Variants in OCA2 observed in about 807,000 individuals in gnomAD.
The protein encoded by OCA2 is OCA2 melanosomal transmembrane protein.
In OCA2, 77 loss-of-function variants were observed where a neutral mutation model predicts 100.2. That is an observed-to-expected ratio of 0.77 (90% CI 0.64 to 0.93). The LOEUF is 0.93. OCA2 is among the 40% of genes least tolerant of loss of function. The pLI, the probability that OCA2 is intolerant of heterozygous loss-of-function variation, is 0.00. For missense variants in OCA2, 1,062 were observed against 1,089.1 expected, an observed-to-expected ratio of 0.98 and a Z score of 0.35; for synonymous variants, 432 against 439.2, an observed-to-expected ratio of 0.98 and a Z score of 0.21.
chr15:28,021,245 C>T (rs1251923832), intron 6 of OCA2, among the ~76,000 whole-genome samples: 1 of 152,214 alleles, frequency 6.6e-6, no homozygotes. Context: ...CCTTCATGCA[C>T]AGACACCTTA....
the OCA2 span, among the ~76,000 whole-genome samples, chr15:27,722,640 T>TCCTC: frequency 6.8e-6 from 1 of 146,736 alleles, no homozygotes; most frequent in Non-Finnish European, 1.5e-5. Context: ...TTCCTTTCCT[T>TCCTC]CCTTCCTTCT....
chr15:27,919,679 T>G (rs4617805), intron 19 of OCA2, among the ~76,000 whole-genome samples: 59,076 of 151,646 alleles, frequency 0.39, 11,557 homozygotes, highest in Middle Eastern at 0.54. Flanking sequence ...CTACTCTGTA[T>G]GATACCATAA....
chr15:27,995,040 C>CGAAGA (rs2041677841), intron 9 of OCA2, among the ~76,000 whole-genome samples: 1 of 152,126 alleles, frequency 6.6e-6, no homozygotes, highest in Non-Finnish European at 1.5e-5. Flanking sequence ...CCACCCTCTT[C>CGAAGA]CACTGATAAA....
At position 27,957,911 on chromosome 15, in the gene OCA2, C is replaced by G. The variant is rs1212699798; in HGVS notation, c.1637-176G>C. On this transcript the variant is annotated intron_variant, in intron 15 of 23. Coordinates refer to ENST00000354638, the MANE Select transcript of OCA2 (RefSeq NM_000275.3). This position sits in a 1 kb window ranked among gnomAD's most constrained non-coding sequence, Gnocchi z 4.3. ...CTGAGCTATTGCAATGGAGCCCAGA[C>G]GACAAAGCCGACATTTAAAAATTAT... Among the ~76,000 whole-genome samples the G allele has an allele frequency of 1.3e-5, 2 of 152,118 alleles. No individual in the cohort carries two copies. Among genetic ancestry groups the G allele is most frequent in the Non-Finnish European group, 2.9e-5 (2 of 68,026 alleles).
At chr15:28,090,052 T>G (rs1333212220) in intron 1 of OCA2, among the ~76,000 whole-genome samples, 1 of 152,220 alleles carries the variant, frequency 6.6e-6, no homozygotes, top group East Asian at 1.9e-4. Flanking sequence ...AGCGGTTATA[T>G]TCACGTAATA....
intron 19 of OCA2, among the ~76,000 whole-genome samples, chr15:27,916,357 A>C (rs2038664105): frequency 6.6e-6 from 1 of 152,164 alleles, no homozygotes; most frequent in African/African-American, 2.4e-5. Context: ...GCAAATTGGA[A>C]AGAAAAAAAA....
intron 19 of OCA2, among the ~76,000 whole-genome samples, chr15:27,911,311 T>C (rs1567094489): frequency 6.6e-6 from 1 of 150,558 alleles, no homozygotes; most frequent in Non-Finnish European, 1.5e-5. Flanking sequence ...TCCCAGCTAC[T>C]TGGGAGGCTG....
At chr15:27,799,118 CT>C (rs1274147748) in intron 23 of OCA2, among the ~76,000 whole-genome samples, 1 of 131,680 alleles carries the variant, frequency 7.6e-6, no homozygotes, top group African/African-American at 2.5e-5. Flanking sequence ...AAGCCACTTT[CT>C]TTGCAATCGT....
chr15:27,808,424 A>G (rs1312726705), intron 23 of OCA2, among the ~76,000 whole-genome samples: 1 of 152,192 alleles, frequency 6.6e-6, no homozygotes, highest in Non-Finnish European at 1.5e-5. Context: ...GACCGCTGGG[A>G]GGCAGGATTC....
intron 23 of OCA2, among the ~76,000 whole-genome samples, chr15:27,831,531 C>T (rs2034958144): frequency 6.6e-6 from 1 of 152,206 alleles, no homozygotes. Flanking sequence ...ACACACCGGA[C>T]GTGGTGCCAT....
intron 18 of OCA2, among the ~76,000 whole-genome samples, chr15:27,938,355 G>A (rs563223961): frequency 3.9e-4 from 59 of 152,276 alleles, no homozygotes; most frequent in East Asian, 1.4e-3. Flanking sequence ...CTCACCAGGC[G>A]GCATTCTAGC....
the OCA2 span, among the ~76,000 whole-genome samples, chr15:27,723,688 T>C: frequency 6.6e-6 from 1 of 152,152 alleles, no homozygotes; most frequent in Admixed American, 6.5e-5. Flanking sequence ...CCATCCTTGG[T>C]GAGTAGATAG....
intron 19 of OCA2, among the ~76,000 whole-genome samples, chr15:27,876,906 T>C (rs74005273): frequency 0.092 from 14,020 of 151,890 alleles, 1,446 homozygotes; most frequent in African/African-American, 0.25. Context: ...TCTGATCTTA[T>C]GGTTATTAGT....
intron 23 of OCA2, among the ~76,000 whole-genome samples, chr15:27,771,680 T>G (rs1194401004): frequency 6.6e-6 from 1 of 152,220 alleles, no homozygotes; most frequent in East Asian, 1.9e-4. Context: ...AAATCACCCA[T>G]TGTGTGAAAT....
the OCA2 span, among the ~76,000 whole-genome samples, chr15:27,723,731 C>G: frequency 6.6e-6 from 1 of 152,206 alleles, no homozygotes; most frequent in African/African-American, 2.4e-5. Context: ...AATCCTGTCA[C>G]AGCGACTAAA....
intron 1 of OCA2, among the ~76,000 whole-genome samples, chr15:28,090,889 A>T (rs956154866): frequency 6.6e-6 from 1 of 152,218 alleles, no homozygotes; most frequent in Non-Finnish European, 1.5e-5. Context: ...GTAGAAAAAA[A>T]TCAATGAAAC....
chr15:27,901,552 C>G (rs1424497954), intron 19 of OCA2, among the ~76,000 whole-genome samples: 1 of 152,192 alleles, frequency 6.6e-6, no homozygotes. Context: ...CCAAACCTGA[C>G]CTTTGAGCAC....
the OCA2 span, among the ~76,000 whole-genome samples, chr15:27,722,784 C>CTCTCTCTT: frequency 7.3e-6 from 1 of 137,452 alleles, no homozygotes; most frequent in African/African-American, 3.0e-5. Context: ...CTTTCTTTCT[C>CTCTCTCTT]TCTCTCTCTC....
chr15:28,015,856 C>T (rs1007711190), intron 8 of OCA2, among the ~76,000 whole-genome samples: 8 of 152,140 alleles, frequency 5.3e-5, no homozygotes, highest in Non-Finnish European at 8.8e-5. Context: ...GAAATTAGAA[C>T]GTCAACCAAA....
Sources: gnomAD v4.1 joint callset for allele counts (sites outside exome capture counted in the v4.1 genomes callset) on GRCh38, gnomAD v4.1.1 for gene constraint, Gnocchi (gnomAD v3.1) non-coding constraint, MANE v1.5 for transcripts, NCBI Gene and HGNC (gene_info 2026-07-23, HGNC 2026-07-21) for gene names.